ZFHX3: variants seen among roughly 807,000 people sequenced by gnomAD.
ZFHX3 encodes the protein zinc finger homeobox protein 3.
Under a neutral mutation model 279.1 loss-of-function variants are expected in ZFHX3, and 42 were observed. That is an observed-to-expected ratio of 0.15 (90% confidence interval 0.12 to 0.19). ZFHX3 has a LOEUF of 0.19. Among genes scored for constraint, ZFHX3 ranks in the 10% least tolerant of loss-of-function variants. ZFHX3 has a pLI of 1.00. For missense variants in ZFHX3, 4,981 were observed against 4,754.0 expected (o/e 1.05, Z -1.40); for synonymous variants, 2,293 against 1,957.8 (o/e 1.17, Z -4.52).
intron 3 of ZFHX3, among the ~76,000 whole-genome samples, chr16:73,333,055 C>T (rs1249399875): frequency 6.6e-6 from 1 of 152,038 alleles, no homozygotes; most frequent in African/African-American, 2.4e-5. Flanking sequence ...TTACTTACTA[C>T]ACAGTTTTAG....
chr16:73,042,876 A>G (rs1423388705), intron 1 of ZFHX3, among the ~76,000 whole-genome samples: 3 of 151,954 alleles, frequency 2.0e-5, no homozygotes, highest in Non-Finnish European at 4.4e-5. Flanking sequence ...ACTTACAATT[A>G]AACTCCAGGT....
intron 1 of ZFHX3, among the ~76,000 whole-genome samples, chr16:73,692,062 C>A (rs1378233173): frequency 6.6e-6 from 1 of 152,202 alleles, no homozygotes; most frequent in African/African-American, 2.4e-5. Context: ...AGATCAATGT[C>A]ACTGCTTTGT....
chr16:73,255,048 T>G (rs1256306019), intron 5 of ZFHX3, among the ~76,000 whole-genome samples: 1 of 152,184 alleles, frequency 6.6e-6, no homozygotes, highest in Non-Finnish European at 1.5e-5. Context: ...CAGCAGCTAT[T>G]GTACTTCTGT....
intron 1 of ZFHX3, among the ~76,000 whole-genome samples, chr16:73,724,382 G>A (rs1169054894): frequency 6.6e-6 from 1 of 152,204 alleles, no homozygotes; most frequent in Non-Finnish European, 1.5e-5. Context: ...AATACCCACA[G>A]ATGAATTTTG....
chr16:72,783,530 C>CTTTAT lies in ZFHX3; in HGVS notation c.*3629_*3633dup, dbSNP rs1555514173. ...GTTTAAACACATGCCGTCTGTTTTA[C>CTTTAT]TTTATTTTCAATTGTGTAAAACTTT... On this transcript the variant is annotated 3_prime_UTR_variant, in exon 10 of 10. Transcript: ENST00000268489. The CTTTAT allele has an allele frequency of 9.8e-5, 15 of 152,618 alleles. No homozygotes were observed. The highest frequency in any genetic ancestry group is 3.6e-4 in the African/African-American group (15 of 41,524). 9.5% of individuals were successfully genotyped at this position (152,618 alleles called of 1,614,324 possible).
chr16:72,828,619 ATGCAGGGCAGGCACCACCTG>A (rs1201922071), intron 5 of ZFHX3, among the ~76,000 whole-genome samples: 2 of 143,378 alleles, frequency 1.4e-5, no homozygotes, highest in African/African-American at 4.9e-5. Context: ...CAGGAAGAAT[ATGCAGGGCAGGCACCACCTG>A]TGCAGGGCCC....
At chr16:73,830,641 T>G (rs1248443772) in intron 1 of ZFHX3, among the ~76,000 whole-genome samples, 1 of 152,224 alleles carries the variant, frequency 6.6e-6, no homozygotes, top group Non-Finnish European at 1.5e-5. Flanking sequence ...TTAGAGCTAC[T>G]GGCATTTGCC....
At chr16:73,684,419 T>TA (rs1277140206) in intron 1 of ZFHX3, among the ~76,000 whole-genome samples, 1 of 152,008 alleles carries the variant, frequency 6.6e-6, no homozygotes, top group South Asian at 2.1e-4. Flanking sequence ...AAAATTGGGA[T>TA]AAAAAAATAA....
intron 6 of ZFHX3, among the ~76,000 whole-genome samples, chr16:73,136,257 A>C (rs1384595305): frequency 6.6e-6 from 1 of 152,066 alleles, no homozygotes; most frequent in African/African-American, 2.4e-5. Context: ...TTCCACAGTA[A>C]ACAAGGAGAT....
intron 1 of ZFHX3, among the ~76,000 whole-genome samples, chr16:73,749,686 A>G (rs2053741753): frequency 6.6e-6 from 1 of 152,222 alleles, no homozygotes. Context: ...GAGAAAAGGC[A>G]GGACACCAAT....
intron 2 of ZFHX3, among the ~76,000 whole-genome samples, chr16:73,551,869 C>T (rs2020208829): frequency 6.6e-6 from 1 of 152,186 alleles, no homozygotes; most frequent in Admixed American, 6.5e-5. Context: ...GTTAGAGTAA[C>T]TTGTTTTCTT....
rs118013268 is a variant in ZFHX3 at position 73,323,954 on chromosome 16, C to A, written c.-1290-5618G>T. ...AAGGGCTCTTCAAGCATCAAAGAAA[C>A]CTTCCATGGGAGCCATGACTGCTTA... On this transcript the variant is annotated intron_variant, in intron 3 of 17. Coordinates refer to the ZFHX3 transcript ENST00000641206. Among the ~76,000 whole-genome samples the A allele has an allele frequency of 6.1e-3, 927 of 152,320 alleles. 6 individuals carry two copies. Among genetic ancestry groups the A allele is most frequent in the Middle Eastern group, 0.041 (12 of 294 alleles).
At chr16:73,139,725 T>C (rs1352519890) in intron 6 of ZFHX3, among the ~76,000 whole-genome samples, 1 of 152,238 alleles carries the variant, frequency 6.6e-6, no homozygotes, top group Non-Finnish European at 1.5e-5. Flanking sequence ...TTTGATAATC[T>C]TTTCCATTGA....
chr16:73,816,577 GAAAAA>G (rs1567419900), intron 1 of ZFHX3, among the ~76,000 whole-genome samples: 1 of 152,004 alleles, frequency 6.6e-6, no homozygotes, highest in African/African-American at 2.4e-5. Flanking sequence ...GCCTTGTACA[GAAAAA>G]ACTTTTTGAT....
chr16:72,806,811 T>C (rs1020361290), intron 7 of ZFHX3, among the ~76,000 whole-genome samples: 2 of 151,718 alleles, frequency 1.3e-5, no homozygotes, highest in Admixed American at 1.3e-4. Context: ...GTACAAAAAA[T>C]ACAGAATAAT....
At chr16:72,906,380 G>A (rs1567576096) in intron 3 of ZFHX3, among the ~76,000 whole-genome samples, 2 of 151,956 alleles carry the variant, frequency 1.3e-5, no homozygotes, top group Non-Finnish European at 2.9e-5. Context: ...TCGCACTGGG[G>A]GGGCATGGGA....
intron 1 of ZFHX3, among the ~76,000 whole-genome samples, chr16:73,753,599 C>T (rs919216411): frequency 6.6e-6 from 1 of 152,086 alleles, no homozygotes; most frequent in Non-Finnish European, 1.5e-5. Context: ...GTGTATTAGC[C>T]CTGCTCAGCA....
At chr16:73,070,936 G>GCACA (rs1288169998) in intron 8 of ZFHX3, among the ~76,000 whole-genome samples, 6 of 9,974 alleles carry the variant, frequency 6.0e-4, no homozygotes, top group Admixed American at 2.0e-3. Context: ...GCGCGCGCGC[G>GCACA]CGCACACACA....
chr16:72,882,735 GAA>G (rs1221976170), intron 4 of ZFHX3, among the ~76,000 whole-genome samples: 1 of 152,106 alleles, frequency 6.6e-6, no homozygotes, highest in Non-Finnish European at 1.5e-5. Context: ...AGAGCAAGCA[GAA>G]AAGTTTAATT....
Sources: allele counts gnomAD v4.1 joint callset (sites outside exome capture counted in the v4.1 genomes callset), GRCh38; gene constraint gnomAD v4.1.1; transcripts MANE v1.5; gene names NCBI Gene and HGNC (gene_info 2026-07-23, HGNC 2026-07-21).